The following WWP2 variants were observed in gnomAD, a reference collection of about 807,000 sequenced individuals.
The protein encoded by WWP2 is NEDD4-like E3 ubiquitin-protein ligase WWP2.
Under a neutral mutation model 121.0 loss-of-function variants are expected in WWP2, and 57 were observed. The ratio of observed to expected loss-of-function variants is 0.47; its 90% CI spans 0.38 to 0.59. The LOEUF (loss-of-function observed/expected upper bound fraction) is 0.59. Ranked by LOEUF, WWP2 falls within the 20% of genes least tolerant of loss-of-function variation. The pLI, the probability that WWP2 is intolerant of heterozygous loss-of-function variation, is 0.00. For synonymous variants in WWP2, 449 were observed against 441.3 expected, an observed-to-expected ratio of 1.02 and a Z score of -0.22; for missense variants, 962 against 1,158.9, an observed-to-expected ratio of 0.83 and a Z score of 2.47.
At chr16:69,809,733 A>G (rs1386022238) in intron 4 of WWP2, among the ~76,000 whole-genome samples, 6 of 151,914 alleles carry the variant, frequency 3.9e-5, no homozygotes, top group Non-Finnish European at 7.4e-5. Flanking sequence ...GCGCCATTGG[A>G]TGCCAGCCTG....
At chr16:69,847,647 A>G (rs1056897878) in intron 6 of WWP2, among the ~76,000 whole-genome samples, 1 of 151,976 alleles carries the variant, frequency 6.6e-6, no homozygotes, top group Non-Finnish European at 1.5e-5. Context: ...ACCTCAGGTG[A>G]TCTGCCCGCC....
chr16:69,812,444 C>T (rs1301235763), intron 4 of WWP2, among the ~76,000 whole-genome samples: 1 of 148,912 alleles, frequency 6.7e-6, no homozygotes, highest in African/African-American at 2.5e-5. Context: ...AGATCACAGG[C>T]ATGAGACACC....
At chr16:69,793,560 TA>T (rs762516294) in intron 2 of WWP2, among the ~76,000 whole-genome samples, 19 of 151,686 alleles carry the variant, frequency 1.3e-4, no homozygotes, top group South Asian at 8.4e-4. Flanking sequence ...GGGATGAGAT[TA>T]TAGAGGTGTG....
chr16:69,793,770 T>C (rs2151804269), intron 2 of WWP2, among the ~76,000 whole-genome samples: 1 of 152,246 alleles, frequency 6.6e-6, no homozygotes, highest in Admixed American at 6.5e-5. Flanking sequence ...TCTGGCTTCA[T>C]GACTCCTGAG....
intron 4 of WWP2, among the ~76,000 whole-genome samples, chr16:69,800,956 C>T (rs1267477092): frequency 2.0e-4 from 29 of 147,676 alleles, no homozygotes; most frequent in Non-Finnish European, 3.9e-4. Context: ...GAGGCTGAGG[C>T]GGGTGGATCA....
intron 2 of WWP2, among the ~76,000 whole-genome samples, chr16:69,789,626 G>A (rs1408039405): frequency 6.6e-6 from 1 of 152,156 alleles, no homozygotes; most frequent in Non-Finnish European, 1.5e-5. Flanking sequence ...ACACCAAAAG[G>A]GATGCATTTT....
At chr16:69,843,772 G>A (rs751077833) in intron 6 of WWP2, among the ~76,000 whole-genome samples, 3 of 152,074 alleles carry the variant, frequency 2.0e-5, no homozygotes, top group Admixed American at 1.3e-4. Context: ...GGGAGGCTGA[G>A]GTGGGAGGAT....
At chr16:69,829,081 G>C (rs1378571204) in intron 4 of WWP2, among the ~76,000 whole-genome samples, 1 of 152,046 alleles carries the variant, frequency 6.6e-6, no homozygotes, top group Admixed American at 6.5e-5. Flanking sequence ...AGAATCCCAG[G>C]AGCCGTCTTC....
At chr16:69,821,086 T>G (rs2056585337) in intron 4 of WWP2, among the ~76,000 whole-genome samples, 1 of 152,244 alleles carries the variant, frequency 6.6e-6, no homozygotes. Context: ...CAGCGACTAC[T>G]GTTTTTTTGA....
intron 1 of WWP2, among the ~76,000 whole-genome samples, chr16:69,769,210 G>T (rs1028221680): frequency 6.6e-6 from 1 of 151,586 alleles, no homozygotes; most frequent in African/African-American, 2.4e-5. Flanking sequence ...CCCGCTACTC[G>T]GAAGGCTGAG....
intron 14 of WWP2, 127 bp downstream of exon 14, chr16:69,931,354 C>A: frequency 2.1e-6 from 3 of 1,460,308 alleles, no homozygotes; most frequent in Non-Finnish European, 1.9e-6. Context: ...TTGTCTAACC[C>A]GGAGCTGGCT....
At chr16:69,906,735 C>T (rs908053416) in intron 8 of WWP2, among the ~76,000 whole-genome samples, 2 of 152,238 alleles carry the variant, frequency 1.3e-5, no homozygotes, top group Non-Finnish European at 1.5e-5. Context: ...AAAAGATTAG[C>T]TGGGCCTCGT....
At chr16:69,897,582 T>TA (rs1417775600) in intron 8 of WWP2, among the ~76,000 whole-genome samples, 1 of 152,184 alleles carries the variant, frequency 6.6e-6, no homozygotes, top group African/African-American at 2.4e-5. Context: ...GATAAAAATT[T>TA]ATCCATTTAC....
intron 4 of WWP2, among the ~76,000 whole-genome samples, chr16:69,801,863 A>G (rs1463798590): frequency 1.3e-5 from 2 of 152,108 alleles, no homozygotes; most frequent in Non-Finnish European, 2.9e-5. Context: ...GAGATTATAC[A>G]TGAACATATT....
intron 1 of WWP2, among the ~76,000 whole-genome samples, chr16:69,780,909 T>C (rs1211467175): frequency 6.6e-6 from 1 of 152,074 alleles, no homozygotes; most frequent in East Asian, 1.9e-4. Flanking sequence ...ATGCCTGTAG[T>C]CCCAGCTACT....
At chr16:69,888,466 A>T (rs960434113) in intron 8 of WWP2, among the ~76,000 whole-genome samples, 1 of 152,192 alleles carries the variant, frequency 6.6e-6, no homozygotes, top group Non-Finnish European at 1.5e-5. Flanking sequence ...GCTACCTTGT[A>T]CTGTGACTTG....
At chr16:69,883,400 G>A (rs74029734) in intron 7 of WWP2, among the ~76,000 whole-genome samples, 22 of 145,972 alleles carry the variant, frequency 1.5e-4, no homozygotes, top group South Asian at 2.2e-4. Context: ...AAGAATGTGC[G>A]CACACACACA....
At chr16:69,766,007 T>C (rs572335985) in intron 1 of WWP2, among the ~76,000 whole-genome samples, 37 of 152,146 alleles carry the variant, frequency 2.4e-4, no homozygotes, top group Non-Finnish European at 4.7e-4. Flanking sequence ...ACAGCTTCCA[T>C]ATGTGTGTCT....
At chr16:69,770,706 A>C (rs1416485292) in intron 1 of WWP2, among the ~76,000 whole-genome samples, 5 of 152,094 alleles carry the variant, frequency 3.3e-5, no homozygotes, top group African/African-American at 1.2e-4. Flanking sequence ...TGGGGAACTA[A>C]ACCTGTGGGA....
Sources: gnomAD v4.1 joint callset for allele counts (sites outside exome capture counted in the v4.1 genomes callset) on GRCh38, gnomAD v4.1.1 for gene constraint, MANE v1.5 for transcripts, NCBI Gene and HGNC (gene_info 2026-07-23, HGNC 2026-07-21) for gene names.